The following SPMIP2 variants were observed in gnomAD, a reference collection of about 807,000 sequenced individuals.
SPMIP2 encodes the protein sperm microtubule inner protein 2.
chr4:159,062,683 T>A, the SPMIP2 span, among the ~76,000 whole-genome samples: 3 of 61,422 alleles, frequency 4.9e-5, no homozygotes, highest in African/African-American at 1.0e-4. Flanking sequence ...GATTGCATTT[T>A]TTTTTGAAAC....
chr4:158,966,414 G>A, the SPMIP2 span, among the ~76,000 whole-genome samples: 1 of 152,318 alleles, frequency 6.6e-6, no homozygotes, highest in East Asian at 1.9e-4. Flanking sequence ...GAAAACAGAT[G>A]TCCTGGTATT....
At chr4:159,047,354 T>C in the SPMIP2 span, among the ~76,000 whole-genome samples, 2 of 148,292 alleles carry the variant, frequency 1.3e-5, no homozygotes, top group African/African-American at 4.9e-5. Context: ...TACTCATCTA[T>C]TTAAGCAAGA....
chr4:158,975,306 G>A, the SPMIP2 span, among the ~76,000 whole-genome samples: 2 of 152,112 alleles, frequency 1.3e-5, no homozygotes, highest in African/African-American at 4.8e-5. Flanking sequence ...AGTTTAATTA[G>A]ATCCCATTTG....
the SPMIP2 span, among the ~76,000 whole-genome samples, chr4:158,925,826 G>A: frequency 6.6e-6 from 1 of 152,256 alleles, no homozygotes; most frequent in African/African-American, 2.4e-5. Context: ...TACACTGAGT[G>A]GCTTATAAGT....
At chr4:159,062,243 G>A in the SPMIP2 span, among the ~76,000 whole-genome samples, 1 of 152,144 alleles carries the variant, frequency 6.6e-6, no homozygotes, top group East Asian at 1.9e-4. Flanking sequence ...TTGTTCCCTG[G>A]CAGGCTGCCT....
chr4:159,012,071 A>G, the SPMIP2 span, among the ~76,000 whole-genome samples: 9 of 127,422 alleles, frequency 7.1e-5, no homozygotes, highest in Non-Finnish European at 1.6e-4. Flanking sequence ...AAAAAAAAAA[A>G]ATTATTCCTC....
the SPMIP2 span, among the ~76,000 whole-genome samples, chr4:158,986,486 C>G: frequency 1.7e-3 from 260 of 150,142 alleles, no homozygotes; most frequent in African/African-American, 6.0e-3. Flanking sequence ...CACCGCATAT[C>G]TACAGCTATC....
chr4:159,041,336 T>A, the SPMIP2 span, among the ~76,000 whole-genome samples: 1 of 152,348 alleles, frequency 6.6e-6, no homozygotes, highest in East Asian at 1.9e-4. Context: ...AACATTATAA[T>A]TTCTATCCTG....
At chr4:158,943,848 T>C in the SPMIP2 span, among the ~76,000 whole-genome samples, 2 of 135,672 alleles carry the variant, frequency 1.5e-5, no homozygotes, top group Non-Finnish European at 3.1e-5. Flanking sequence ...CTAGTTACTA[T>C]TGACATTTTC....
the SPMIP2 span, among the ~76,000 whole-genome samples, chr4:159,028,472 G>A: frequency 6.6e-6 from 1 of 152,064 alleles, no homozygotes; most frequent in Admixed American, 6.6e-5. Flanking sequence ...TAGGATCACA[G>A]GTGTGCACCA....
At chr4:158,977,572 G>A in the SPMIP2 span, among the ~76,000 whole-genome samples, 2 of 12,770 alleles carry the variant, frequency 1.6e-4, no homozygotes, top group Non-Finnish European at 4.5e-4. Flanking sequence ...TTTTTGAAGG[G>A]TTTTTTGTGT....
the SPMIP2 span, among the ~76,000 whole-genome samples, chr4:158,986,480 G>A: frequency 9.3e-5 from 14 of 151,208 alleles, no homozygotes; most frequent in South Asian, 2.1e-4. Context: ...AAATAACACC[G>A]CATATCTACA....
chr4:158,960,296 G>C, the SPMIP2 span: 2 of 1,553,986 alleles, frequency 1.3e-6, no homozygotes, highest in Non-Finnish European at 8.8e-7. Flanking sequence ...CATGGGTTTT[G>C]ATATCTGTGG....
chr4:158,972,312 A>G, the SPMIP2 span, among the ~76,000 whole-genome samples: 1 of 152,234 alleles, frequency 6.6e-6, no homozygotes. Context: ...CAGCGAGTCA[A>G]GATCGTGCCA....
the SPMIP2 span, among the ~76,000 whole-genome samples, chr4:159,082,043 C>T: frequency 1.3e-5 from 2 of 151,702 alleles, no homozygotes; most frequent in African/African-American, 2.4e-5. Flanking sequence ...CTAGGCTGGA[C>T]GTGGTGGCTC....
At chr4:159,046,455 T>C in the SPMIP2 span, among the ~76,000 whole-genome samples, 1 of 152,178 alleles carries the variant, frequency 6.6e-6, no homozygotes, top group African/African-American at 2.4e-5. Flanking sequence ...AGGTTACAGG[T>C]AGCCAATGAG....
the SPMIP2 span, among the ~76,000 whole-genome samples, chr4:158,912,877 A>G: frequency 6.6e-6 from 1 of 152,212 alleles, no homozygotes; most frequent in South Asian, 2.1e-4. Context: ...GGTATGACCA[A>G]GTGCTCAACT....
At chr4:158,956,731 T>C in the SPMIP2 span, among the ~76,000 whole-genome samples, 51 of 152,324 alleles carry the variant, frequency 3.3e-4, no homozygotes, top group Admixed American at 3.3e-3. Context: ...CATGCTTTAC[T>C]TCCCCATCAT....
At chr4:158,908,243 A>G in the SPMIP2 span, among the ~76,000 whole-genome samples, 1 of 152,194 alleles carries the variant, frequency 6.6e-6, no homozygotes, top group African/African-American at 2.4e-5. Flanking sequence ...CTGGGGGCTC[A>G]GATGATAGGC....
Sources: gnomAD v4.1 joint callset for allele counts (sites outside exome capture counted in the v4.1 genomes callset) on GRCh38, gnomAD v4.1.1 for gene constraint, MANE v1.5 for transcripts, NCBI Gene and HGNC (gene_info 2026-07-23, HGNC 2026-07-21) for gene names.